The following CCDC171 variants were observed in gnomAD, a reference collection of about 807,000 sequenced individuals.
The protein encoded by CCDC171 is coiled-coil domain-containing protein 171.
In CCDC171, 177 loss-of-function variants were observed where a neutral mutation model predicts 168.2. That is an observed-to-expected ratio of 1.05 (90% CI 0.93 to 1.19). The LOEUF (loss-of-function observed/expected upper bound fraction) is 1.19, where lower values mean the gene tolerates loss of function less well. CCDC171 is among the 50% of genes most tolerant of loss of function. The pLI is 0.00. For missense variants in CCDC171, 1,991 were observed against 1,539.0 expected (o/e 1.29, Z -4.91); for synonymous variants, 687 against 540.8 (o/e 1.27, Z -3.75).
chr9:15,623,850 G>C (rs1375222516), intron 7 of CCDC171, among the ~76,000 whole-genome samples: 1 of 152,120 alleles, frequency 6.6e-6, no homozygotes, highest in Non-Finnish European at 1.5e-5. Context: ...TTTCAGATGA[G>C]ACTTTACTTG....
chr9:16,010,243 T>C (rs1193644769), intron 3 of CCDC171, among the ~76,000 whole-genome samples: 8 of 152,320 alleles, frequency 5.3e-5, no homozygotes, highest in African/African-American at 1.9e-4. Context: ...TTTCTTCTTG[T>C]TGATTTTATG....
chr9:15,689,566 C>T (rs1475954172), intron 10 of CCDC171, among the ~76,000 whole-genome samples: 1 of 152,026 alleles, frequency 6.6e-6, no homozygotes, highest in Non-Finnish European at 1.5e-5. Context: ...TAAAAATTTG[C>T]CAGGTGTGAT....
rs763268422 is a variant in CCDC171, at chr9:15,862,313, AT to A, written c.3469-12208del. ...ACGTGGCCTATCTTCAAGTTCACCA[AT>A]TTTTTTTTTTCTGCTGGTTTTAGTC... On this transcript the variant is annotated intron_variant, in intron 23 of 25. Transcript: ENST00000380701. 8.4e-3 allele frequency among the ~76,000 whole-genome samples: 1,232 copies of A among 146,106 alleles called. 15 individuals are homozygous for A. The highest frequency in any genetic ancestry group is 0.029 in the African/African-American group (1,155 of 40,138).
the CCDC171 span, among the ~76,000 whole-genome samples, chr9:16,092,296 G>C: frequency 6.6e-6 from 1 of 152,326 alleles, no homozygotes; most frequent in African/African-American, 2.4e-5. Context: ...AATGAGTTCA[G>C]GTTGCAATCA....
chr9:15,678,605 C>G (rs181564308), intron 9 of CCDC171, among the ~76,000 whole-genome samples, 153 bp from the exon 10 acceptor site: 1 of 152,122 alleles, frequency 6.6e-6, no homozygotes, highest in Non-Finnish European at 1.5e-5. Context: ...TAAGAATATT[C>G]AGTACTTTTT....
intron 24 of CCDC171, among the ~76,000 whole-genome samples, chr9:15,909,532 G>A (rs1480379669): frequency 6.6e-6 from 1 of 152,162 alleles, no homozygotes; most frequent in Non-Finnish European, 1.5e-5. Context: ...GGCGAAACAA[G>A]TATTTGTGGG....
At position 15,649,425 on chromosome 9, in the gene CCDC171, G is replaced by C. The variant is rs531807954; in HGVS notation, c.823-7702G>C. On this transcript the variant is annotated intron_variant, in intron 7 of 25. Coordinates refer to ENST00000380701, the MANE Select transcript of CCDC171 (RefSeq NM_173550.4). ...GATCTAATTAAACTAAAGAGCTCCT[G>C]CACAGCAAAAGAAGCTACCATCAGA... Among the ~76,000 whole-genome samples the C allele has an allele frequency of 3.9e-5, 6 of 152,272 alleles. No homozygotes were observed. The South Asian group carries it at 6.2e-4, about 16-fold the overall frequency.
chr9:15,618,714 C>T (rs148673839), intron 6 of CCDC171, among the ~76,000 whole-genome samples: 1 of 152,136 alleles, frequency 6.6e-6, no homozygotes, highest in African/African-American at 2.4e-5. Flanking sequence ...GTACTCAGGG[C>T]GGGTAGCACA....
At chr9:15,794,991 C>G (rs1026565977) in intron 21 of CCDC171, among the ~76,000 whole-genome samples, 2 of 152,222 alleles carry the variant, frequency 1.3e-5, no homozygotes, top group African/African-American at 4.8e-5. Context: ...CTTCTCTTCC[C>G]ACTCCAAACA....
the CCDC171 span, among the ~76,000 whole-genome samples, chr9:16,082,101 A>G: frequency 6.6e-6 from 1 of 152,162 alleles, no homozygotes; most frequent in South Asian, 2.1e-4. Flanking sequence ...AAAGGGAAAT[A>G]TTTAGTTTTG....
intron 9 of CCDC171, among the ~76,000 whole-genome samples, chr9:15,674,113 C>G (rs1325690320): frequency 6.6e-6 from 1 of 152,042 alleles, no homozygotes; most frequent in East Asian, 1.9e-4. Context: ...TCCATTTCTT[C>G]TAGATTTTCT....
At chr9:15,629,423 A>G (rs1010645215) in intron 7 of CCDC171, among the ~76,000 whole-genome samples, 14 of 152,354 alleles carry the variant, frequency 9.2e-5, no homozygotes, top group Non-Finnish European at 2.1e-4. Context: ...AAGAAAGGGT[A>G]TCAGTGATTG....
At chr9:15,915,414 CAGAT>C (rs1369800081) in intron 24 of CCDC171, among the ~76,000 whole-genome samples, 2 of 151,458 alleles carry the variant, frequency 1.3e-5, no homozygotes, top group Admixed American at 1.3e-4. Flanking sequence ...ATTTTGTCCT[CAGAT>C]AGATTATTAT....
intron 3 of CCDC171, among the ~76,000 whole-genome samples, chr9:16,013,141 G>C (rs1832917302): frequency 6.6e-6 from 1 of 152,062 alleles, no homozygotes; most frequent in South Asian, 2.1e-4. Flanking sequence ...TAGCTATACT[G>C]TCTTTCCAGT....
chr9:15,653,001 T>C (rs1050808428), intron 7 of CCDC171, among the ~76,000 whole-genome samples: 2 of 152,206 alleles, frequency 1.3e-5, no homozygotes, highest in African/African-American at 4.8e-5. Flanking sequence ...GGGAATATTT[T>C]CTTTGCCTTA....
chr9:15,642,841 T>A (rs2132567350), intron 7 of CCDC171, among the ~76,000 whole-genome samples: 1 of 152,262 alleles, frequency 6.6e-6, no homozygotes, highest in African/African-American at 2.4e-5. Flanking sequence ...CTCTTTTTGA[T>A]TTTTGGAGTG....
intron 24 of CCDC171, among the ~76,000 whole-genome samples, chr9:15,903,707 CT>C (rs1324132189): frequency 6.6e-6 from 1 of 152,192 alleles, no homozygotes; most frequent in East Asian, 1.9e-4. Context: ...GAGAAGAAGG[CT>C]TCAGACGATC....
intron 6 of CCDC171, among the ~76,000 whole-genome samples, chr9:15,607,105 A>G (rs1052142240): frequency 3.3e-5 from 5 of 152,206 alleles, no homozygotes; most frequent in Admixed American, 6.5e-5. Flanking sequence ...TGATAAAGCC[A>G]TAAACTTAAA....
At chr9:15,875,717 A>G (rs1817749477) in intron 24 of CCDC171, 1 of 152,018 alleles carries the variant, frequency 6.6e-6, no homozygotes, top group Non-Finnish European at 1.5e-5. Flanking sequence ...AATTTTTTAT[A>G]TGCTCCATAT....
Sources: gnomAD v4.1 joint callset for allele counts (sites outside exome capture counted in the v4.1 genomes callset) on GRCh38, gnomAD v4.1.1 for gene constraint, MANE v1.5 for transcripts, NCBI Gene and HGNC (gene_info 2026-07-23, HGNC 2026-07-21) for gene names.